EVI5L: variants seen among roughly 807,000 people sequenced by gnomAD.
The protein encoded by EVI5L is ecotropic viral integration site 5 like, also known as EVI5-like protein.
In EVI5L, 30 loss-of-function variants were observed where a neutral mutation model predicts 106.1. The ratio of observed to expected loss-of-function variants is 0.28; its 90% CI spans 0.21 to 0.38. The LOEUF is 0.38. Ranked by LOEUF, EVI5L falls within the 10% of genes least tolerant of loss-of-function variation. The probability of loss-of-function intolerance (pLI) is 1.00; values close to 1 mark genes in which losing one functional copy is unlikely to be tolerated. For missense variants in EVI5L, 809 were observed against 1,098.0 expected (o/e 0.74, Z 3.72); for synonymous variants, 489 against 483.3 (o/e 1.01, Z -0.15).
intron 1 of EVI5L, among the ~76,000 whole-genome samples, chr19:7,837,817 C>T (rs1161567499): frequency 6.6e-6 from 1 of 152,162 alleles, no homozygotes; most frequent in Non-Finnish European, 1.5e-5. Flanking sequence ...GATTCTCCTG[C>T]CTCAGCCTCC....
chr19:7,840,488 G>C (rs1199369666), intron 1 of EVI5L, among the ~76,000 whole-genome samples: 2 of 152,088 alleles, frequency 1.3e-5, no homozygotes. Flanking sequence ...CAAAAAAAAA[G>C]AATCACCCCA....
At chr19:7,839,280 G>A (rs941178491) in intron 1 of EVI5L, among the ~76,000 whole-genome samples, 1 of 151,782 alleles carries the variant, frequency 6.6e-6, no homozygotes, top group Non-Finnish European at 1.5e-5. Flanking sequence ...TCCAGCCTGG[G>A]CGACAGAGCA....
intron 1 of EVI5L, among the ~76,000 whole-genome samples, chr19:7,844,347 A>AGAAAG (rs60944183): frequency 2.8e-5 from 4 of 140,896 alleles, no homozygotes; most frequent in Admixed American, 7.1e-5. Context: ...AAAAAAAAAA[A>AGAAAG]AAAGAAAGAA....
chr19:7,832,469 A>G lies in EVI5L; in HGVS notation c.-48+2088A>G, dbSNP rs968588632. On this transcript the variant is annotated intron_variant, in intron 1 of 19. Transcript: ENST00000538904. The stretch of plus-strand genomic sequence containing the variant: ...AAGCTCATTGCGGCTCAGTACCTCA[A>G]CTTCCCCATCGGAAACTGGGGTGCG... Among the ~76,000 whole-genome samples the G allele has an allele frequency of 4.6e-5, 7 of 152,198 alleles. 1 individual carries two copies. In the South Asian group the frequency reaches 1.4e-3, roughly 31 times the overall value.
At position 7,855,444 on chromosome 19, in the gene EVI5L, G is replaced by A. The variant is rs560664455; in HGVS notation, c.1147-571G>A. 5.3e-5 allele frequency among the ~76,000 whole-genome samples: 8 copies of A among 152,360 alleles called. No homozygotes were observed. In the South Asian group the frequency reaches 1.0e-3, roughly 20 times the overall value. On this transcript the variant is annotated intron_variant, in intron 10 of 19. Transcript: ENST00000538904. ...CATCAGCACAGAATGGAAGGCAGGA[G>A]CAAGGGAGACGTCTTCGAAACCCCA...
At chr19:7,830,977 A>C (rs1328248202) in intron 1 of EVI5L, among the ~76,000 whole-genome samples, 1 of 139,916 alleles carries the variant, frequency 7.1e-6, no homozygotes, top group African/African-American at 2.7e-5. Context: ...CGGATTTCCT[A>C]CCCCTGCCCA....
At position 7,848,910 on chromosome 19, in the gene EVI5L, C is replaced by G; in HGVS notation, c.328-11C>G. The G allele has an allele frequency of 6.2e-7, 1 of 1,602,826 alleles. No homozygotes were observed. Among genetic ancestry groups the G allele is most frequent in the Non-Finnish European group, 8.5e-7 (1 of 1,171,724 alleles). On this transcript the variant is annotated splice_polypyrimidine_tract_variant and intron_variant, in intron 3 of 19. Transcript: ENST00000538904. The surrounding 1 kb of genome is among the most constrained non-coding windows in gnomAD (Gnocchi z 4.8). The stretch of plus-strand genomic sequence containing the variant: ...CCGAGTCCAGCCCCCGCTTCCCGCT[C>G]CCGTGGCCAGGAGCTGATCCGCAAG...
intron 1 of EVI5L, among the ~76,000 whole-genome samples, chr19:7,831,070 G>A (rs552134681): frequency 8.0e-4 from 121 of 150,602 alleles, no homozygotes; most frequent in African/African-American, 2.8e-3. Flanking sequence ...ACTCCCCGGC[G>A]TCCACCCAGC....
At chr19:7,852,124 C>T (rs1297265203) in intron 8 of EVI5L, among the ~76,000 whole-genome samples, 4 of 152,196 alleles carry the variant, frequency 2.6e-5, no homozygotes, top group African/African-American at 9.6e-5. Context: ...CCCACCCTGC[C>T]GCCCAGCCTG....
rs1979595578 is a variant in EVI5L at position 7,857,656 on chromosome 19, T to C, written c.1233+532T>C. 5.6e-6 allele frequency: 1 copy of C among 179,702 alleles called. No homozygotes were observed. Among genetic ancestry groups the C allele is most frequent in the South Asian group, 1.2e-4 (1 of 8,112 alleles). 11.1% of individuals were successfully genotyped at this position (179,702 alleles called of 1,614,324 possible). A position where few individuals can be genotyped will look rare whatever the true frequency, so the allele number is the denominator to read the frequency against. ...ACCCGCCACCTGGTGGCTTTGAGCC[T>C]GGAATGGGGGGCCCAAGTTGGGTAG... On this transcript the variant is annotated intron_variant, in intron 12 of 19. Transcript: ENST00000538904. This position sits in a 1 kb window ranked among gnomAD's most constrained non-coding sequence, Gnocchi z 4.5.
Position 7,835,363 on chromosome 19 carries a change from C to T in EVI5L, c.-48+4982C>T, listed in dbSNP as rs1978324015. 1.3e-5 allele frequency among the ~76,000 whole-genome samples: 2 copies of T among 151,692 alleles called. No individual in the cohort carries two copies. The highest frequency in any genetic ancestry group is 2.1e-4 in the South Asian group (1 of 4,798). ...TCTCTACTAAAAATACAAAAATTAG[C>T]GAGGTATAATGGCGGGCATCTGTAA... On this transcript the variant is annotated intron_variant, in intron 1 of 19. Transcript: ENST00000538904. This position sits in a 1 kb window ranked among gnomAD's most constrained non-coding sequence, Gnocchi z 4.1.
Position 7,850,212 on chromosome 19 carries a change from G to A in EVI5L, c.753+90G>A. ...GGGAGCAGGATCGCAGAAGGGCAGG[G>A]CTGGCACCCTAGACCATACCCGGGC... On this transcript the variant is annotated intron_variant, in intron 6 of 19. Transcript: ENST00000538904. This position sits in a 1 kb window ranked among gnomAD's most constrained non-coding sequence, Gnocchi z 5.4. 6.6e-7 allele frequency: 1 copy of A among 1,505,830 alleles called. No individual in the cohort carries two copies. The highest frequency in any genetic ancestry group is 8.9e-7 in the Non-Finnish European group (1 of 1,125,320). The allele number at this position is 1,505,830 out of a possible 1,614,324, so 93.3% of individuals were successfully genotyped here.
Position 7,858,434 on chromosome 19 carries a change from C to A in EVI5L, c.1374+103C>A, listed in dbSNP as rs1343384817. Reference sequence around the variant, plus strand: ...GCTCATAATCTGCCCCGCCTCAGCACCTGGCCCTCCTGTTCCTTTCTGGGG... The same window carrying A: ...GCTCATAATCTGCCCCGCCTCAGCAACTGGCCCTCCTGTTCCTTTCTGGGG... On this transcript the variant is annotated intron_variant, in intron 13 of 19. Transcript: ENST00000538904. The surrounding 1 kb of genome is among the most constrained non-coding windows in gnomAD (Gnocchi z 5.7). The A allele has an allele frequency of 5.0e-6, 7 of 1,387,032 alleles. No individual in the cohort carries two copies. The highest frequency in any genetic ancestry group is 6.7e-6 in the Non-Finnish European group (7 of 1,050,692). The allele number at this position is 1,387,032 out of a possible 1,614,324, so 85.9% of individuals were successfully genotyped here. A position where few individuals can be genotyped will look rare whatever the true frequency, so the allele number is the denominator to read the frequency against.
chr19:7,843,444 A>G lies in EVI5L; in HGVS notation c.-47-3052A>G, dbSNP rs202090359. On this transcript the variant is annotated intron_variant, in intron 1 of 19. Coordinates refer to ENST00000538904, the MANE Select transcript of EVI5L (RefSeq NM_001159944.3). ...ATGGGTGTGTCGAGAGTGTGTGTGT[A>G]TGGGTGTGTGAGTGTGTGTGAGAAT... Among the ~76,000 whole-genome samples, 218 of 65,882 alleles carry G rather than the reference A, an allele frequency of 3.3e-3. 7 individuals carry two copies. The highest frequency in any genetic ancestry group is 0.02 in the East Asian group (44 of 2,154). The allele number at this position is 65,882 out of a possible 152,430, so 43.2% of individuals were successfully genotyped here. A position where few individuals can be genotyped will look rare whatever the true frequency, so the allele number is the denominator to read the frequency against.
chr19:7,845,871 G>A lies in EVI5L; in HGVS notation c.-47-625G>A, dbSNP rs1464004459. Among the ~76,000 whole-genome samples, 1 of 152,196 alleles carries A rather than the reference G, an allele frequency of 6.6e-6. No homozygotes were observed. Among genetic ancestry groups the A allele is most frequent in the Admixed American group, 6.5e-5 (1 of 15,274 alleles). ...ACAGCTCTGGCTCTGTGTCTGCCAGGGCACAGATTCCCAGCACTCTGCCAC... is the reference window on the plus strand; with the variant it reads ...ACAGCTCTGGCTCTGTGTCTGCCAGAGCACAGATTCCCAGCACTCTGCCAC... On this transcript the variant is annotated intron_variant, in intron 1 of 19. Transcript: ENST00000538904. The surrounding 1 kb of genome is among the most constrained non-coding windows in gnomAD (Gnocchi z 4.0).
intron 1 of EVI5L, 70 bp from the exon 2 acceptor site, chr19:7,846,426 C>G: frequency 7.2e-7 from 1 of 1,394,016 alleles, no homozygotes; most frequent in South Asian, 1.4e-5. Flanking sequence ...GAGGAAATGT[C>G]CCGAGGGTGG....
At chr19:7,834,809 C>T (rs1358254683) in intron 1 of EVI5L, among the ~76,000 whole-genome samples, 1 of 152,152 alleles carries the variant, frequency 6.6e-6, no homozygotes, top group East Asian at 1.9e-4. Flanking sequence ...TAGATACTGT[C>T]ATTAGCCCTG....
rs929650363 is a variant in EVI5L, at chr19:7,863,954, G to C, written c.*252G>C. The C allele has an allele frequency of 4.3e-6, 2 of 466,918 alleles. No homozygotes were observed. The highest frequency in any genetic ancestry group is 3.6e-5 in the East Asian group (1 of 27,738). 28.9% of individuals were successfully genotyped at this position (466,918 alleles called of 1,614,324 possible). A position where few individuals can be genotyped will look rare whatever the true frequency, so the allele number is the denominator to read the frequency against. ...TCTGTACCCCTCCGGGCCCTCTGGC[G>C]TTCCAGGGGTGCCTGGAGGGGCTGA... On this transcript the variant is annotated 3_prime_UTR_variant, in exon 20 of 20. Coordinates refer to ENST00000538904, the MANE Select transcript of EVI5L (RefSeq NM_001159944.3). This position sits in a 1 kb window ranked among gnomAD's most constrained non-coding sequence, Gnocchi z 7.7.
At chr19:7,840,270 G>A (rs761450570) in intron 1 of EVI5L, among the ~76,000 whole-genome samples, 20 of 152,208 alleles carry the variant, frequency 1.3e-4, no homozygotes, top group Non-Finnish European at 2.5e-4. Context: ...CTTGAGGTCA[G>A]GAGTTCAAGA....
Sources: gnomAD v4.1 joint callset for allele counts (sites outside exome capture counted in the v4.1 genomes callset) on GRCh38, gnomAD v4.1.1 for gene constraint, Gnocchi (gnomAD v3.1) non-coding constraint, MANE v1.5 for transcripts, NCBI Gene and HGNC (gene_info 2026-07-23, HGNC 2026-07-21) for gene names.